Variants in CASP4 observed in about 807,000 individuals in gnomAD.
The protein encoded by CASP4 is caspase 4, also known as caspase-4.
A neutral mutation model predicts 41.3 loss-of-function variants in CASP4; 29 were observed. The ratio of observed to expected loss-of-function variants is 0.70; its 90% confidence interval spans 0.52 to 0.96. CASP4 has a LOEUF of 0.96. Ranked by LOEUF, CASP4 falls within the 40% of genes least tolerant of loss-of-function variation. The pLI is 0.00. For missense variants in CASP4, 447 were observed against 460.6 expected (o/e 0.97, Z 0.27); for synonymous variants, 185 against 158.4 (o/e 1.17, Z -1.26).
At chr11:104,963,372 AAAC>A (rs1860905071) in intron 1 of CASP4, among the ~76,000 whole-genome samples, 1 of 152,244 alleles carries the variant, frequency 6.6e-6, no homozygotes, top group Non-Finnish European at 1.5e-5. Context: ...TGGGAAAAAC[AAAC>A]AACAAGAAAC....
At chr11:104,943,393 G>A (rs1290237356) in intron 8 of CASP4, 3 of 171,430 alleles carry the variant, frequency 1.7e-5, no homozygotes, top group Admixed American at 1.2e-4. Context: ...TGTATTCTGT[G>A]CTGGAACACT....
intron 1 of CASP4, chr11:104,956,571 A>G (rs1009056648): frequency 1.3e-6 from 1 of 776,738 alleles, no homozygotes; most frequent in African/African-American, 1.9e-5. Context: ...CAGAGCCCCC[A>G]TTCTTAATTC....
intron 1 of CASP4, among the ~76,000 whole-genome samples, chr11:104,962,941 T>C (rs1860893006): frequency 6.6e-6 from 1 of 152,192 alleles, no homozygotes; most frequent in African/African-American, 2.4e-5. Context: ...TCTCTTGAAT[T>C]TTCCTTTCTC....
intron 2 of CASP4, among the ~76,000 whole-genome samples, chr11:104,952,565 C>T (rs1860642083): frequency 6.6e-6 from 1 of 151,982 alleles, no homozygotes; most frequent in Admixed American, 6.6e-5. Context: ...AATAGTTATC[C>T]CATACAGGAT....
At chr11:104,949,161 T>C (rs1860542662) in intron 5 of CASP4, 1 of 293,346 alleles carries the variant, frequency 3.4e-6, no homozygotes, top group Non-Finnish European at 6.5e-6. Flanking sequence ...AAAGGGATGC[T>C]GTTTTACATA....
At chr11:104,947,050 A>G in intron 7 of CASP4, 33 bp downstream of exon 7, 1 of 1,393,992 alleles carries the variant, frequency 7.2e-7, no homozygotes, top group East Asian at 2.3e-5. Context: ...CTTCCTGAAG[A>G]AATAAATGAG....
intron 5 of CASP4, chr11:104,948,930 T>C: frequency 3.5e-6 from 1 of 287,218 alleles, no homozygotes; most frequent in Non-Finnish European, 6.5e-6. Context: ...AAATCTGTTT[T>C]CTTTTGAAAA....
rs569827984 is a variant in CASP4, at chr11:104,951,707, C to G, written c.372+189G>C. 10 of 626,188 alleles carry G rather than the reference C, an allele frequency of 1.6e-5. No individual in the cohort carries two copies. In the African/African-American group the frequency reaches 1.8e-4, roughly 11 times the overall value. 38.8% of individuals were successfully genotyped at this position (626,188 alleles called of 1,614,324 possible). A position where few individuals can be genotyped will look rare whatever the true frequency, so the allele number is the denominator to read the frequency against. The stretch of plus-strand genomic sequence containing the variant: ...TTCTTTCAACTCATGATAAAATGAT[C>G]TGCATCATGGATTGAGAAAGGATTG... On this transcript the variant is annotated intron_variant, in intron 3 of 8. Transcript: ENST00000444739.
chr11:104,961,865 A>G (rs544446777), intron 1 of CASP4, among the ~76,000 whole-genome samples: 1 of 152,240 alleles, frequency 6.6e-6, no homozygotes, highest in East Asian at 1.9e-4. Flanking sequence ...GCCCTGGAGA[A>G]AGTTCAATAG....
chr11:104,953,279 G>A (rs1860659068), intron 2 of CASP4, among the ~76,000 whole-genome samples: 1 of 152,070 alleles, frequency 6.6e-6, no homozygotes, highest in Non-Finnish European at 1.5e-5. Context: ...AGAGCCCAGG[G>A]AGACACTAGA....
At chr11:104,948,344 G>A in intron 6 of CASP4, 189 bp downstream of exon 6, 1 of 431,004 alleles carries the variant, frequency 2.3e-6, no homozygotes. Flanking sequence ...GGTGAGTGGT[G>A]AATGGGTTTC....
At position 104,954,967 on chromosome 11, in the gene CASP4, C is replaced by T. The variant is rs1265665647; in HGVS notation, c.42G>A (p.Leu14=). The change falls in exon 2 of 9, where the codon TTG becomes TTA. Residue 14 remains leucine, a synonymous_variant. Coordinates refer to ENST00000444739, the MANE Select transcript of CASP4 (RefSeq NM_001225.4). Reference sequence around the variant, plus strand: ...TGAGGAAATCTTTGCCCAGGGATTCCAACACCTTAAGTGGCTTTTTTCTGT... The same window carrying T: ...TGAGGAAATCTTTGCCCAGGGATTCTAACACCTTAAGTGGCTTTTTTCTGT... ...GNHRKKPLKV[L]ESLGKDFLTG... is the part of the protein sequence containing the mutation. 2.5e-6 allele frequency: 4 copies of T among 1,613,416 alleles called. No individual in the cohort carries two copies. The highest frequency in any genetic ancestry group is 3.4e-6 in the Non-Finnish European group (4 of 1,179,684).
At chr11:104,954,709 G>C in intron 2 of CASP4, 38 bp downstream of exon 2, 1 of 1,595,834 alleles carries the variant, frequency 6.3e-7, no homozygotes, top group Non-Finnish European at 8.6e-7. Context: ...CAGATTTAGG[G>C]AAAATTGAGA....
chr11:104,948,754 T>C, intron 5 of CASP4, 78 bp from the exon 6 acceptor site: 1 of 1,354,264 alleles, frequency 7.4e-7, no homozygotes, highest in Non-Finnish European at 1.0e-6. Flanking sequence ...TTGTTCTTTT[T>C]GAATGTTCAT....
chr11:104,942,887 T>C lies in CASP4; in HGVS notation c.*92A>G, dbSNP rs1265110316. The C allele has an allele frequency of 6.6e-6, 3 of 456,184 alleles. No individual in the cohort carries two copies. The highest frequency in any genetic ancestry group is 4.4e-6 in the Non-Finnish European group (1 of 226,940). 28.3% of individuals were successfully genotyped at this position (456,184 alleles called of 1,614,324 possible). A position where few individuals can be genotyped will look rare whatever the true frequency, so the allele number is the denominator to read the frequency against. On this transcript the variant is annotated 3_prime_UTR_variant, in exon 9 of 9. Coordinates refer to ENST00000444739, the MANE Select transcript of CASP4 (RefSeq NM_001225.4). ...ACAGTTCGTTTGTCTTCACTTTTAT[T>C]GAAATACAAAATGTTAAATATGCAA... is the stretch of plus-strand genomic sequence containing the variant.
At chr11:104,944,929 A>G (rs1350565165) in intron 7 of CASP4, 78 bp from the exon 8 acceptor site, 9 of 971,036 alleles carry the variant, frequency 9.3e-6, no homozygotes, top group Middle Eastern at 2.1e-4. Context: ...TGTACCAGAC[A>G]ACACCTGGAA....
rs1180888265 is a variant in CASP4 at position 104,954,832 on chromosome 11, G to A, written c.177C>T (p.Asp59=). 1.2e-6 allele frequency: 2 copies of A among 1,613,808 alleles called. No homozygotes were observed. Among genetic ancestry groups the A allele is most frequent in the Admixed American group, 3.3e-5 (2 of 59,970 alleles). Reference sequence around the variant, plus strand: ...CCATACGTTGCTTCTCTTGCATAGAGTCTGCCATGACCCGAACTTTGTCTT... The same window carrying A: ...CCATACGTTGCTTCTCTTGCATAGAATCTGCCATGACCCGAACTTTGTCTT... ...KTEDKVRVMA[D]SMQEKQRMAG... The change falls in exon 2 of 9, where the codon GAC becomes GAT. Residue 59 remains aspartate (D), a synonymous_variant. Coordinates refer to ENST00000444739, the MANE Select transcript of CASP4 (RefSeq NM_001225.4).
chr11:104,947,345 AC>A, intron 6 of CASP4, 153 bp from the exon 7 acceptor site: 1 of 441,348 alleles, frequency 2.3e-6, no homozygotes, highest in Non-Finnish European at 4.0e-6. Flanking sequence ...ACATTTACCT[AC>A]TTTCCACAGA....
At chr11:104,950,822 A>ACACACACACACACACACC in intron 4 of CASP4, 103 bp downstream of exon 4, 5 of 1,022,902 alleles carry the variant, frequency 4.9e-6, no homozygotes, top group Non-Finnish European at 1.4e-6. Flanking sequence ...ACACACACAC[A>ACACACACACACACACACC]CCCAAAGGTT....
Sources: gnomAD v4.1 joint callset for allele counts (sites outside exome capture counted in the v4.1 genomes callset) on GRCh38, gnomAD v4.1.1 for gene constraint, MANE v1.5 for transcripts, NCBI Gene and HGNC (gene_info 2026-07-23, HGNC 2026-07-21) for gene names.